RSPO4: variants seen among roughly 807,000 people sequenced by gnomAD.
RSPO4 encodes the protein R-spondin 4.
A neutral mutation model predicts 24.8 loss-of-function variants in RSPO4; 23 were observed. The ratio of observed to expected loss-of-function variants is 0.93; its 90% CI spans 0.67 to 1.31. RSPO4 has a LOEUF of 1.31. RSPO4 is among the 40% of genes most tolerant of loss of function. The pLI is 0.00. For missense variants in RSPO4, 333 were observed against 316.5 expected, an observed-to-expected ratio of 1.05 and a Z score of -0.39; for synonymous variants, 141 against 127.4, an observed-to-expected ratio of 1.11 and a Z score of -0.72.
intron 1 of RSPO4, among the ~76,000 whole-genome samples, chr20:994,887 C>G (rs1367722029): frequency 6.6e-6 from 1 of 152,180 alleles, no homozygotes. Context: ...TGACATTTGT[C>G]CCAGCCCTGG....
intron 1 of RSPO4, among the ~76,000 whole-genome samples, chr20:974,333 C>T (rs1480274658): frequency 1.3e-5 from 2 of 152,238 alleles, no homozygotes; most frequent in Non-Finnish European, 2.9e-5. Context: ...GCTGTCTCTT[C>T]CAGGATGGGC....
chr20:960,505 G>A, intron 4 of RSPO4, 39 bp from the exon 5 acceptor site: 4 of 1,434,642 alleles, frequency 2.8e-6, no homozygotes, highest in Non-Finnish European at 2.8e-6. Context: ...CAAGGCTGCA[G>A]GGCCAGTTAG....
chr20:979,142 A>G (rs1267313083), intron 1 of RSPO4, among the ~76,000 whole-genome samples: 3 of 152,080 alleles, frequency 2.0e-5, no homozygotes, highest in Non-Finnish European at 4.4e-5. Context: ...ATGTCTGGGA[A>G]TAATTTCTCC....
intron 4 of RSPO4, among the ~76,000 whole-genome samples, chr20:961,968 C>T (rs1984013633): frequency 6.6e-6 from 1 of 152,148 alleles, no homozygotes; most frequent in African/African-American, 2.4e-5. Flanking sequence ...ATCCACCCAC[C>T]TACCCTCCCA....
intron 1 of RSPO4, among the ~76,000 whole-genome samples, chr20:991,771 TTAAAAA>T (rs1437032241): frequency 6.6e-6 from 1 of 151,904 alleles, no homozygotes; most frequent in East Asian, 1.9e-4. Context: ...AACAAAAATG[TTAAAAA>T]TAAAAGTAAA....
In RSPO4 at chr20:981,316, G is replaced by A. The variant is rs764818854; in HGVS notation, c.80-13178C>T. 7.2e-5 allele frequency among the ~76,000 whole-genome samples: 11 copies of A among 152,134 alleles called. 1 individual carries two copies. In the South Asian group the frequency reaches 8.3e-4, roughly 11 times the overall value. ...GAGGCAGGTAGATCATAGGAGGCCC[G>A]GAGTTCGAGACCAGCCTGGCCAACA... On this transcript the variant is annotated intron_variant, in intron 1 of 4. Coordinates refer to ENST00000217260, the MANE Select transcript of RSPO4 (RefSeq NM_001029871.4). The surrounding 1 kb of genome is among the most constrained non-coding windows in gnomAD (Gnocchi z 4.6).
At chr20:999,408 A>C (rs1191132096) in intron 1 of RSPO4, among the ~76,000 whole-genome samples, 1 of 152,100 alleles carries the variant, frequency 6.6e-6, no homozygotes, top group East Asian at 1.9e-4. Flanking sequence ...ATTTGACCAG[A>C]ACTCCTGTGG....
intron 1 of RSPO4, among the ~76,000 whole-genome samples, chr20:972,004 C>T (rs1330723739): frequency 3.3e-5 from 5 of 152,172 alleles, no homozygotes; most frequent in African/African-American, 1.2e-4. Context: ...AGTGGAGACT[C>T]GTGCCTCTGC....
intron 1 of RSPO4, among the ~76,000 whole-genome samples, chr20:989,543 A>T (rs1322573631): frequency 6.6e-6 from 1 of 152,164 alleles, no homozygotes; most frequent in Non-Finnish European, 1.5e-5. Flanking sequence ...GAGGAGTTGA[A>T]TGAGAAAAGG....
At chr20:976,278 C>G (rs1332165258) in intron 1 of RSPO4, among the ~76,000 whole-genome samples, 3 of 152,148 alleles carry the variant, frequency 2.0e-5, no homozygotes, top group Admixed American at 2.0e-4. Context: ...GTCCTCTTTC[C>G]CAGGTGAGCA....
chr20:984,731 C>T (rs577695994), intron 1 of RSPO4, among the ~76,000 whole-genome samples: 1 of 152,340 alleles, frequency 6.6e-6, no homozygotes, highest in South Asian at 2.1e-4. Context: ...GATGTGGACT[C>T]TTGTCCAGTT....
intron 1 of RSPO4, among the ~76,000 whole-genome samples, chr20:968,841 AT>A (rs980318979): frequency 7.2e-5 from 11 of 152,156 alleles, no homozygotes; most frequent in African/African-American, 2.4e-4. Context: ...TAAGGAGAAA[AT>A]TTTTTGTTAC....
chr20:983,299 A>T (rs914784435), intron 1 of RSPO4, among the ~76,000 whole-genome samples: 1 of 151,878 alleles, frequency 6.6e-6, no homozygotes, highest in Non-Finnish European at 1.5e-5. Context: ...GCAGTTTCCT[A>T]TCGGAAAAGC....
chr20:972,876 G>C (rs1274108806), intron 1 of RSPO4, among the ~76,000 whole-genome samples: 4 of 152,228 alleles, frequency 2.6e-5, no homozygotes, highest in Non-Finnish European at 5.9e-5. Flanking sequence ...CAGTTGACTT[G>C]TGGTGATCTT....
At chr20:998,053 T>G (rs960743381) in intron 1 of RSPO4, among the ~76,000 whole-genome samples, 10 of 152,196 alleles carry the variant, frequency 6.6e-5, no homozygotes, top group Non-Finnish European at 1.5e-4. Flanking sequence ...GTGTAAGTTT[T>G]CCCATTTCAC....
intron 1 of RSPO4, among the ~76,000 whole-genome samples, chr20:969,877 A>T (rs1157040867): frequency 6.6e-6 from 1 of 152,180 alleles, no homozygotes; most frequent in African/African-American, 2.4e-5. Context: ...CATTAGGGTC[A>T]GACTGGTTAA....
chr20:969,366 G>A (rs575860831), intron 1 of RSPO4, among the ~76,000 whole-genome samples: 2 of 152,340 alleles, frequency 1.3e-5, no homozygotes, highest in South Asian at 2.1e-4. Flanking sequence ...TTGTGGTGCT[G>A]TGACTTTTCC....
Position 970,421 on chromosome 20 carries a change from C to T in RSPO4, c.80-2283G>A, listed in dbSNP as rs1419495593. On this transcript the variant is annotated intron_variant, in intron 1 of 4. Transcript: ENST00000217260. The surrounding 1 kb of genome is among the most constrained non-coding windows in gnomAD (Gnocchi z 4.1). ...TTATAACTCAGGAGGCTTACTGATC[C>T]AGGGTCGTACGGAAGCACACAGTAA... Among the ~76,000 whole-genome samples the T allele has an allele frequency of 6.6e-6, 1 of 152,028 alleles. No homozygotes were observed. The highest frequency in any genetic ancestry group is 1.5e-5 in the Non-Finnish European group (1 of 68,012).
At chr20:992,054 C>T (rs1300520345) in intron 1 of RSPO4, among the ~76,000 whole-genome samples, 1 of 152,022 alleles carries the variant, frequency 6.6e-6, no homozygotes, top group Non-Finnish European at 1.5e-5. Flanking sequence ...TAAAAGCATG[C>T]CCGCAGGCAG....
Sources: allele counts gnomAD v4.1 joint callset (sites outside exome capture counted in the v4.1 genomes callset), GRCh38; gene constraint gnomAD v4.1.1; non-coding constraint Gnocchi (gnomAD v3.1); transcripts MANE v1.5; gene names NCBI Gene and HGNC (gene_info 2026-07-23, HGNC 2026-07-21).